The following UBE2V1 variants were observed in gnomAD, a reference collection of about 807,000 sequenced individuals.
UBE2V1 encodes ubiquitin conjugating enzyme E2 V1, also known as ubiquitin-conjugating enzyme E2 variant 1.
UBE2V1 carries 15 observed loss-of-function variants against 19.6 expected under a neutral mutation model. The observed-to-expected ratio is 0.77, with a 90% CI of 0.51 to 1.18. The LOEUF (loss-of-function observed/expected upper bound fraction) is 1.18, where lower values mean the gene tolerates loss of function less well. Ranked by LOEUF, UBE2V1 falls within the 50% of genes most tolerant of loss-of-function variation. The pLI is 0.00. For synonymous variants in UBE2V1, 60 were observed against 60.7 expected, an observed-to-expected ratio of 0.99 and a Z score of 0.05; for missense variants, 125 against 184.8, an observed-to-expected ratio of 0.68 and a Z score of 1.88.
chr20:50,082,724 T>G lies in UBE2V1; in HGVS notation c.*44A>C. ...CTGTGGAAAATGAAGACTGATTAAA[T>G]CGAATTGGGGGGAAGGGGAAGGGCC... On this transcript the variant is annotated 3_prime_UTR_variant, in exon 4 of 4. Coordinates refer to ENST00000371674, the MANE Select transcript of UBE2V1 (RefSeq NM_001032288.3). 8 of 1,593,982 alleles carry G rather than the reference T, an allele frequency of 5.0e-6. No homozygotes were observed. Among genetic ancestry groups the G allele is most frequent in the Non-Finnish European group, 5.1e-6 (6 of 1,176,104 alleles).
Position 50,082,660 on chromosome 20 carries a change from T to C in UBE2V1, c.*108A>G, listed in dbSNP as rs2078691509. On this transcript the variant is annotated 3_prime_UTR_variant, in exon 4 of 4. Coordinates refer to ENST00000371674, the MANE Select transcript of UBE2V1 (RefSeq NM_001032288.3). ...CTTTGAATGGGAGCTTCCTTTCCGG[T>C]ACTTTGAGGTCTACAAGACGTATCT... 2 of 1,497,890 alleles carry C rather than the reference T, an allele frequency of 1.3e-6. No homozygotes were observed. The highest frequency in any genetic ancestry group is 2.7e-5 in the South Asian group (2 of 73,632). The allele number at this position is 1,497,890 out of a possible 1,614,324, so 92.8% of individuals were successfully genotyped here. A position where few individuals can be genotyped will look rare whatever the true frequency, so the allele number is the denominator to read the frequency against.
chr20:50,105,238 C>A (rs1313867081), intron 1 of UBE2V1, among the ~76,000 whole-genome samples: 1 of 152,112 alleles, frequency 6.6e-6, no homozygotes, highest in East Asian at 1.9e-4. Flanking sequence ...TTCTACAAAA[C>A]AAAAGAGCAT....
At chr20:50,099,107 T>A in intron 1 of UBE2V1, 1 of 317,080 alleles carries the variant, frequency 3.2e-6, no homozygotes, top group Non-Finnish European at 4.6e-6. Context: ...ACATTACTAC[T>A]GGTTAATTTA....
intron 1 of UBE2V1, among the ~76,000 whole-genome samples, chr20:50,102,530 C>G (rs537555997): frequency 6.6e-6 from 1 of 152,218 alleles, no homozygotes; most frequent in South Asian, 2.1e-4. Flanking sequence ...GGATATATTA[C>G]CTCCCACATG....
Position 50,097,893 on chromosome 20 carries a change from G to A in UBE2V1, c.23-1073C>T, listed in dbSNP as rs6012834. ...GTATTTCCCAAAGTGTAGGACACACGCCATTAATTCAATTGGAATAAATAT... is the reference window on the plus strand; with the variant it reads ...GTATTTCCCAAAGTGTAGGACACACACCATTAATTCAATTGGAATAAATAT... On this transcript the variant is annotated intron_variant, in intron 1 of 3. Coordinates refer to ENST00000371674, the MANE Select transcript of UBE2V1 (RefSeq NM_001032288.3). 6.0e-4 allele frequency among the ~76,000 whole-genome samples: 91 copies of A among 152,288 alleles called. 1 individual carries two copies. The highest frequency in any genetic ancestry group is 2.1e-3 in the East Asian group (11 of 5,192).
chr20:50,111,955 C>T (rs1030572742), intron 1 of UBE2V1, among the ~76,000 whole-genome samples: 10 of 152,182 alleles, frequency 6.6e-5, no homozygotes, highest in Non-Finnish European at 1.5e-4. Context: ...ACCTCCTTGG[C>T]CAACTTCACT....
chr20:50,083,532 C>G (rs1268935983), intron 3 of UBE2V1, among the ~76,000 whole-genome samples: 1 of 152,226 alleles, frequency 6.6e-6, no homozygotes, highest in Non-Finnish European at 1.5e-5. Flanking sequence ...GAAGGCTTGG[C>G]GTGACGTTAA....
At chr20:50,105,911 CAG>C (rs749314003) in intron 1 of UBE2V1, among the ~76,000 whole-genome samples, 2 of 151,796 alleles carry the variant, frequency 1.3e-5, no homozygotes, top group African/African-American at 2.4e-5. Flanking sequence ...GCCTGGGCAA[CAG>C]AGACTCGTCA....
chr20:50,084,344 T>G, intron 2 of UBE2V1, 90 bp from the exon 3 acceptor site: 1 of 1,600,520 alleles, frequency 6.2e-7, no homozygotes. Context: ...TCCCTGACTG[T>G]AGAACTGGTA....
chr20:50,111,603 A>C (rs906374349), intron 1 of UBE2V1: 7 of 999,532 alleles, frequency 7.0e-6, no homozygotes, highest in Admixed American at 1.2e-4. Context: ...GGTCTCCGCT[A>C]TTCTGCAAGA....
In UBE2V1 at chr20:50,084,115, A is replaced by C; in HGVS notation, c.297+14T>G. On this transcript the variant is annotated intron_variant, in intron 3 of 3. Transcript: ENST00000371674. ...CAACTCCAAGGAACAAGTGGGACAG[A>C]GAAAACAACTTACCACTCCATTAGA... The C allele has an allele frequency of 6.4e-7, 1 of 1,563,008 alleles. No homozygotes were observed. The highest frequency in any genetic ancestry group is 8.6e-7 in the Non-Finnish European group (1 of 1,159,498).
At chr20:50,090,326 G>A (rs2079147197) in intron 2 of UBE2V1, among the ~76,000 whole-genome samples, 1 of 152,036 alleles carries the variant, frequency 6.6e-6, no homozygotes, top group African/African-American at 2.4e-5. Flanking sequence ...AGAAAATATG[G>A]CATATATCAC....
intron 2 of UBE2V1, among the ~76,000 whole-genome samples, chr20:50,089,779 T>C (rs920804215): frequency 1.3e-4 from 20 of 152,232 alleles, no homozygotes; most frequent in Non-Finnish European, 7.3e-5. Context: ...TTGTAGAATA[T>C]TTGGGTGGCA....
At chr20:50,096,505 T>A (rs771531125) in intron 2 of UBE2V1, 167 bp downstream of exon 2, 1 of 1,527,054 alleles carries the variant, frequency 6.5e-7, no homozygotes, top group Non-Finnish European at 8.8e-7. Flanking sequence ...TTAAACAGCA[T>A]CAGAGGAGGT....
chr20:50,087,294 G>A (rs187915496), intron 2 of UBE2V1, among the ~76,000 whole-genome samples: 1 of 151,376 alleles, frequency 6.6e-6, no homozygotes, highest in African/African-American at 2.4e-5. Flanking sequence ...TAACCGGGGG[G>A]CTGAGACAGG....
chr20:50,110,713 A>T (rs569114608), intron 1 of UBE2V1, among the ~76,000 whole-genome samples: 1 of 152,320 alleles, frequency 6.6e-6, no homozygotes, highest in East Asian at 1.9e-4. Flanking sequence ...TTCATACCAG[A>T]CACTTGTTTG....
upstream of UBE2V1, among the ~76,000 whole-genome samples, chr20:50,113,565 T>C (rs191250203): frequency 3.1e-3 from 472 of 152,312 alleles, no homozygotes; most frequent in African/African-American, 0.011. Context: ...TCAAGCGATT[T>C]ATCTAAACTC....
At chr20:50,098,652 T>C (rs1199372190) in intron 1 of UBE2V1, among the ~76,000 whole-genome samples, 3 of 152,194 alleles carry the variant, frequency 2.0e-5, no homozygotes, top group Non-Finnish European at 4.4e-5. Flanking sequence ...GGTAGTGGTA[T>C]GTTAGAGGAC....
intron 3 of UBE2V1, among the ~76,000 whole-genome samples, chr20:50,083,461 A>C (rs2078733798): frequency 6.6e-6 from 1 of 152,202 alleles, no homozygotes; most frequent in African/African-American, 2.4e-5. Flanking sequence ...TTAAACACTA[A>C]ACACACTGTA....
Sources: gnomAD v4.1 joint callset for allele counts (sites outside exome capture counted in the v4.1 genomes callset) on GRCh38, gnomAD v4.1.1 for gene constraint, MANE v1.5 for transcripts, NCBI Gene and HGNC (gene_info 2026-07-23, HGNC 2026-07-21) for gene names.